The following CALN1 variants were observed in gnomAD, a reference collection of about 807,000 sequenced individuals.
CALN1 encodes calcium-binding protein 8.
A neutral mutation model predicts 30.6 loss-of-function variants in CALN1; 17 were observed. That is an observed-to-expected ratio of 0.56 (90% CI 0.38 to 0.83). CALN1 has a LOEUF of 0.83. Among genes scored for constraint, CALN1 ranks in the 40% least tolerant of loss-of-function variants. The pLI, the probability that CALN1 is intolerant of heterozygous loss-of-function variation, is 0.00. For synonymous variants in CALN1, 156 were observed against 131.4 expected (o/e 1.19, Z -1.28); for missense variants, 291 against 354.9 (o/e 0.82, Z 1.45).
chr7:72,079,761 C>CTTTTTTTTTTTTTTTTTTTTT (rs3065015), intron 4 of CALN1, among the ~76,000 whole-genome samples: 5 of 104,038 alleles, frequency 4.8e-5, no homozygotes, highest in Admixed American at 1.1e-4. Context: ...TGCCTTTTTC[C>CTTTTTTTTTTTTTTTTTTTTT]TTTTTTTTTT....
intron 6 of CALN1, 29 bp downstream of exon 6, chr7:71,810,307 G>A (rs760178923): frequency 2.4e-5 from 39 of 1,609,094 alleles, no homozygotes; most frequent in East Asian, 1.3e-4. Flanking sequence ...GTCCCGGACC[G>A]GGGAGGGGAT....
intron 5 of CALN1, among the ~76,000 whole-genome samples, chr7:71,846,515 T>C (rs1341455272): frequency 6.6e-6 from 1 of 152,012 alleles, no homozygotes; most frequent in Non-Finnish European, 1.5e-5. Context: ...TAAAAATATG[T>C]GTGTGTATGT....
At chr7:72,284,830 G>A (rs1163759635) in intron 2 of CALN1, among the ~76,000 whole-genome samples, 1 of 152,138 alleles carries the variant, frequency 6.6e-6, no homozygotes, top group Non-Finnish European at 1.5e-5. Context: ...AGGATAGATA[G>A]ATAGATAGAT....
intron 5 of CALN1, among the ~76,000 whole-genome samples, chr7:72,010,025 A>G (rs1799982916): frequency 6.6e-6 from 1 of 152,212 alleles, no homozygotes; most frequent in South Asian, 2.1e-4. Flanking sequence ...GGGATAAAAT[A>G]TACACTGCTG....
intron 6 of CALN1, among the ~76,000 whole-genome samples, chr7:71,796,640 G>C (rs1339655818): frequency 6.6e-6 from 1 of 152,134 alleles, no homozygotes; most frequent in African/African-American, 2.4e-5. Flanking sequence ...TTACAGGCGT[G>C]AGCCACCGCG....
At chr7:72,347,759 CA>C (rs1802721579) in intron 2 of CALN1, among the ~76,000 whole-genome samples, 2 of 152,138 alleles carry the variant, frequency 1.3e-5, no homozygotes. Flanking sequence ...TGAACATGCC[CA>C]CTAAAAAGAA....
chr7:72,337,220 G>C (rs1802124968), intron 2 of CALN1: 8 of 985,024 alleles, frequency 8.1e-6, no homozygotes, highest in South Asian at 4.7e-5. Flanking sequence ...GGGCCTTGCC[G>C]CCGACAGCAC....
intron 5 of CALN1, among the ~76,000 whole-genome samples, chr7:71,993,775 C>T (rs1333457817): frequency 6.6e-6 from 1 of 151,870 alleles, no homozygotes; most frequent in Non-Finnish European, 1.5e-5. Flanking sequence ...TAAATATTAA[C>T]AGGAAAAGCA....
intron 5 of CALN1, among the ~76,000 whole-genome samples, chr7:71,884,693 CTT>C (rs1309277728): frequency 6.6e-6 from 1 of 152,064 alleles, no homozygotes. Flanking sequence ...TTTATTTAAA[CTT>C]ATATATCATG....
intron 1 of CALN1, among the ~76,000 whole-genome samples, chr7:72,441,764 C>T (rs551682269): frequency 6.6e-6 from 1 of 152,148 alleles, no homozygotes; most frequent in South Asian, 2.1e-4. Flanking sequence ...TCTTTTTAAC[C>T]TGTAAATAGC....
chr7:72,471,607 TG>T, the CALN1 span, among the ~76,000 whole-genome samples: 2 of 152,218 alleles, frequency 1.3e-5, no homozygotes, highest in Non-Finnish European at 2.9e-5. Context: ...TCCACGGGAC[TG>T]GGCAGAGCCT....
chr7:72,111,267 G>A (rs1807556966), intron 3 of CALN1, among the ~76,000 whole-genome samples: 1 of 152,166 alleles, frequency 6.6e-6, no homozygotes, highest in Admixed American at 6.6e-5. Flanking sequence ...AAAGACACGT[G>A]GCAACACGCA....
chr7:71,855,041 G>C (rs573084379), intron 5 of CALN1, among the ~76,000 whole-genome samples: 1 of 152,326 alleles, frequency 6.6e-6, no homozygotes, highest in South Asian at 2.1e-4. Context: ...GCCGATGGCT[G>C]AAAGTGATTT....
intron 3 of CALN1, 37 bp downstream of exon 3, chr7:72,278,649 A>AGG (rs764218550): frequency 1.1e-4 from 169 of 1,591,900 alleles, no homozygotes; most frequent in Non-Finnish European, 1.4e-4. Context: ...CCTCCCTGGG[A>AGG]GGGGGGCCAT....
At chr7:71,937,125 G>T (rs573722811) in intron 5 of CALN1, among the ~76,000 whole-genome samples, 2 of 152,022 alleles carry the variant, frequency 1.3e-5, no homozygotes, top group African/African-American at 4.8e-5. Context: ...TATATCACAC[G>T]TAGGAAACCC....
At chr7:71,867,996 T>C (rs987614317) in intron 5 of CALN1, among the ~76,000 whole-genome samples, 1 of 152,262 alleles carries the variant, frequency 6.6e-6, no homozygotes, top group African/African-American at 2.4e-5. Context: ...TCATTATTTA[T>C]TTTAATGTAC....
Position 71,816,038 on chromosome 7 carries a change from A to AT in CALN1, c.502-5547dup, listed in dbSNP as rs1168184958. ...CCAGACCTGGCTAATTTTTTTTTTAATTTTTTTTTTCTTTACAGAGAGAGT... is the reference window on the plus strand; with the variant it reads ...CCAGACCTGGCTAATTTTTTTTTTAATTTTTTTTTTTCTTTACAGAGAGAGT... On this transcript the variant is annotated intron_variant, in intron 5 of 6. Transcript: ENST00000395275. 7.0e-3 allele frequency among the ~76,000 whole-genome samples: 1,036 copies of AT among 146,976 alleles called. 10 individuals are homozygous for AT. Among genetic ancestry groups the AT allele is most frequent in the African/African-American group, 0.024 (958 of 39,824 alleles).
intron 5 of CALN1, among the ~76,000 whole-genome samples, chr7:71,930,064 G>C (rs1234453302): frequency 2.0e-5 from 3 of 152,156 alleles, no homozygotes; most frequent in African/African-American, 7.2e-5. Flanking sequence ...CGAATGCAAT[G>C]TAAATGTTAT....
chr7:71,971,465 A>G (rs1797794760), intron 5 of CALN1, among the ~76,000 whole-genome samples: 1 of 152,126 alleles, frequency 6.6e-6, no homozygotes, highest in Non-Finnish European at 1.5e-5. Context: ...ACAAACAAAC[A>G]AACAAACAAA....
Sources: allele counts gnomAD v4.1 joint callset (sites outside exome capture counted in the v4.1 genomes callset), GRCh38; gene constraint gnomAD v4.1.1; transcripts MANE v1.5; gene names NCBI Gene and HGNC (gene_info 2026-07-23, HGNC 2026-07-21).